PDXDC1: variants seen among roughly 807,000 people sequenced by gnomAD.
PDXDC1 encodes the protein pyridoxal dependent decarboxylase domain containing 1, also known as pyridoxal-dependent decarboxylase domain-containing protein 1.
A neutral mutation model predicts 100.1 loss-of-function variants in PDXDC1; 42 were observed. The ratio of observed to expected loss-of-function variants is 0.42; its 90% CI spans 0.33 to 0.54. The LOEUF (loss-of-function observed/expected upper bound fraction) is 0.54. PDXDC1 is among the 20% of genes least tolerant of loss of function. The pLI, the probability that PDXDC1 is intolerant of heterozygous loss-of-function variation, is 0.10. For synonymous variants in PDXDC1, 260 were observed against 371.7 expected, an observed-to-expected ratio of 0.70 and a Z score of 3.46; for missense variants, 636 against 979.2, an observed-to-expected ratio of 0.65 and a Z score of 4.68.
At chr16:15,038,767 G>A (rs558471649), downstream of PDXDC1, 9 of 736,474 alleles carry the variant, frequency 1.2e-5, no homozygotes, top group Admixed American at 1.4e-4. Context: ...AAGCTCCAGT[G>A]TAGTCCTTTC....
chr16:14,977,405 G>A (rs1244529538), intron 1 of PDXDC1, among the ~76,000 whole-genome samples: 6 of 150,814 alleles, frequency 4.0e-5, no homozygotes, highest in South Asian at 2.1e-4. Context: ...TCAGCCTCCC[G>A]AGCAGCTGTG....
At chr16:15,094,508 G>A in intron 16 of PDXDC1, 1 of 533,780 alleles carries the variant, frequency 1.9e-6, no homozygotes, top group Non-Finnish European at 3.3e-6. Context: ...AAGAAAGGGT[G>A]GAAACACCCT....
At chr16:14,996,667 C>T (rs1252524785) in intron 1 of PDXDC1, among the ~76,000 whole-genome samples, 1 of 152,282 alleles carries the variant, frequency 6.6e-6, no homozygotes, top group African/African-American at 2.4e-5. Flanking sequence ...TCAGCCTGTG[C>T]AGCATAATGA....
In PDXDC1 at chr16:15,085,772, T is replaced by A; in HGVS notation, c.1400-53107T>A. The A allele has an allele frequency of 1.9e-6, 3 of 1,590,570 alleles. No individual in the cohort carries two copies. In the South Asian group the frequency reaches 3.4e-5, roughly 18 times the overall value. On this transcript the variant is annotated intron_variant, in intron 16 of 16. Coordinates refer to the PDXDC1 transcript ENST00000535621. ...TGAATGGCTATACAAAAAAAGTTAC[T>A]GACCTAGACAATGAACAGCTATAAA...
intron 16 of PDXDC1, among the ~76,000 whole-genome samples, chr16:15,087,023 T>C (rs1471786660): frequency 3.9e-5 from 6 of 152,230 alleles, no homozygotes; most frequent in African/African-American, 9.6e-5. Context: ...TTACTGTTCA[T>C]AGTAATTGTT....
At position 15,089,803 on chromosome 16, in the gene PDXDC1, A is replaced by AC. The variant is rs1452254360; in HGVS notation, c.1400-49076_1400-49075insC. 1.9e-4 allele frequency among the ~76,000 whole-genome samples: 29 copies of AC among 151,248 alleles called. No homozygotes were observed. The East Asian group carries it at 5.4e-3, about 28-fold the overall frequency. Reference sequence around the variant, plus strand: ...CGACAGAGCAAAAAAAAAAAAAAAAAAAAAAAAACAGATTAAAGGATCAGG... The same window carrying AC: ...CGACAGAGCAAAAAAAAAAAAAAAAACAAAAAAAACAGATTAAAGGATCAGG... On this transcript the variant is annotated intron_variant, in intron 16 of 16. Transcript: ENST00000535621.
rs1320360012 is a variant in PDXDC1 at position 15,009,462 on chromosome 16, G to A, written c.649-219G>A. ...AAAGAAATGTTCCTGCATATGTACA[G>A]TTTTTACCTTTAATTTTGTTTAACT... On this transcript the variant is annotated intron_variant, in intron 7 of 22. Transcript: ENST00000396410. 3.5e-6 allele frequency: 3 copies of A among 863,288 alleles called. No homozygotes were observed. In the African/African-American group the frequency reaches 5.2e-5, roughly 15 times the overall value. The allele number at this position is 863,288 out of a possible 1,614,324, so 53.5% of individuals were successfully genotyped here. A position where few individuals can be genotyped will look rare whatever the true frequency, so the allele number is the denominator to read the frequency against.
intron 1 of PDXDC1, among the ~76,000 whole-genome samples, chr16:14,987,846 A>G (rs1429100700): frequency 1.3e-5 from 2 of 152,272 alleles, no homozygotes; most frequent in African/African-American, 4.8e-5. Flanking sequence ...ACCTGGCCTC[A>G]GGTGATCCAC....
In PDXDC1 at chr16:15,028,982, AC is replaced by A. The variant is rs751691920; in HGVS notation, c.1293+22del. 2.5e-6 allele frequency: 4 copies of A among 1,609,340 alleles called. No individual in the cohort carries two copies. Among genetic ancestry groups the A allele is most frequent in the South Asian group, 1.1e-5 (1 of 90,856 alleles). On this transcript the variant is annotated intron_variant, in intron 15 of 22. Transcript: ENST00000396410. ...GAATCGCTGGGTGAGAATGGCAGTC[AC>A]CCCCCTTTCCTTTCAGGTCCCCGTC... is the stretch of plus-strand genomic sequence containing the variant.
rs746798823 is a variant in PDXDC1 at position 15,036,041 on chromosome 16, G to A, written c.2133G>A (p.Leu711=). 7 of 1,613,986 alleles carry A rather than the reference G, an allele frequency of 4.3e-6. No homozygotes were observed. Among genetic ancestry groups the A allele is most frequent in the South Asian group, 1.1e-5 (1 of 91,072 alleles). The part of the protein sequence containing the change: ...LPGQKPFKRS[L]RGSDALSETS... ...GCCAGAAGCCTTTTAAAAGGTCCCT[G>A]CGAGGTTCAGATGCTTTGAGTGAGA... Residue 711 remains leucine (L), a synonymous_variant, in exon 23 of 23, where the codon CTG becomes CTA. Coordinates refer to ENST00000396410, the MANE Select transcript of PDXDC1 (RefSeq NM_015027.4).
intron 16 of PDXDC1, chr16:15,045,466 C>CA (rs1157158611): frequency 0.012 from 858 of 71,302 alleles, 3 homozygotes; most frequent in African/African-American, 0.027. Context: ...GACTCTGTCT[C>CA]AAAAAAAAAA....
chr16:15,051,190 C>T (rs2044277977), intron 16 of PDXDC1, among the ~76,000 whole-genome samples: 2 of 152,234 alleles, frequency 1.3e-5, no homozygotes, highest in South Asian at 4.1e-4. Context: ...ATTGGGTCAC[C>T]ACTCAAAAGC....
chr16:15,090,715 T>C (rs1284457888), intron 16 of PDXDC1, among the ~76,000 whole-genome samples: 2 of 152,160 alleles, frequency 1.3e-5, no homozygotes, highest in African/African-American at 4.8e-5. Context: ...GATAATAAAA[T>C]TGGAATTTCA....
At position 15,037,958 on chromosome 16, in the gene PDXDC1, G is replaced by C. The variant is rs1135977; in HGVS notation, c.*1683G>C. On this transcript the variant is annotated 3_prime_UTR_variant, in exon 23 of 23. Transcript: ENST00000396410. Reference sequence around the variant, plus strand: ...TAAGACCCAACAGATGTAGGATCCAGATCTGGATTCGTGCCAGCCCCACCA... The same window carrying C: ...TAAGACCCAACAGATGTAGGATCCACATCTGGATTCGTGCCAGCCCCACCA... The C allele has an allele frequency of 5.4e-6, 6 of 1,111,426 alleles. No homozygotes were observed. Among genetic ancestry groups the C allele is most frequent in the East Asian group, 4.7e-5 (2 of 42,438 alleles). 68.8% of individuals were successfully genotyped at this position (1,111,426 alleles called of 1,614,324 possible). A position where few individuals can be genotyped will look rare whatever the true frequency, so the allele number is the denominator to read the frequency against.
At chr16:15,129,096 C>T (rs1405687910) in intron 16 of PDXDC1, among the ~76,000 whole-genome samples, 9 of 151,704 alleles carry the variant, frequency 5.9e-5, no homozygotes, top group South Asian at 2.1e-4. Flanking sequence ...TGAGCCACCG[C>T]GCCCGGCCGA....
intron 16 of PDXDC1, among the ~76,000 whole-genome samples, chr16:15,083,913 T>G (rs1416173282): frequency 6.6e-6 from 1 of 152,098 alleles, no homozygotes; most frequent in African/African-American, 2.4e-5. Context: ...ACGGGGTTTC[T>G]CCATGTTGGT....
chr16:15,008,315 C>G (rs564483837), intron 6 of PDXDC1, among the ~76,000 whole-genome samples: 3 of 152,416 alleles, frequency 2.0e-5, no homozygotes, highest in South Asian at 4.1e-4. Context: ...CTTCACTTCT[C>G]TTGAGAAATG....
At chr16:15,005,533 G>T (rs1442285034) in intron 5 of PDXDC1, among the ~76,000 whole-genome samples, 1 of 152,270 alleles carries the variant, frequency 6.6e-6, no homozygotes, top group African/African-American at 2.4e-5. Context: ...GACTTTCAGT[G>T]TTGGGAAAGA....
At chr16:15,051,232 T>C (rs895348083) in intron 16 of PDXDC1, among the ~76,000 whole-genome samples, 1 of 152,252 alleles carries the variant, frequency 6.6e-6, no homozygotes, top group African/African-American at 2.4e-5. Flanking sequence ...ATTACTGCTT[T>C]CACAAAGACC....
Sources: gnomAD v4.1 joint callset for allele counts (sites outside exome capture counted in the v4.1 genomes callset) on GRCh38, gnomAD v4.1.1 for gene constraint, MANE v1.5 for transcripts, NCBI Gene and HGNC (gene_info 2026-07-23, HGNC 2026-07-21) for gene names.